ANKRD6: variants seen among roughly 807,000 people sequenced by gnomAD.
The protein encoded by ANKRD6 is ankyrin repeat domain 6.
In ANKRD6, 56 loss-of-function variants were observed where a neutral mutation model predicts 82.3. The ratio of observed to expected loss-of-function variants is 0.68; its 90% CI spans 0.55 to 0.85. The LOEUF (loss-of-function observed/expected upper bound fraction) is 0.85. Ranked by LOEUF, ANKRD6 falls within the 40% of genes least tolerant of loss-of-function variation. The pLI, the probability that ANKRD6 is intolerant of heterozygous loss-of-function variation, is 0.00. For missense variants in ANKRD6, 852 were observed against 907.6 expected, an observed-to-expected ratio of 0.94 and a Z score of 0.79; for synonymous variants, 347 against 352.1, an observed-to-expected ratio of 0.99 and a Z score of 0.16.
At chr6:89,474,864 A>T (rs533388212) in intron 1 of ANKRD6, among the ~76,000 whole-genome samples, 1 of 152,182 alleles carries the variant, frequency 6.6e-6, no homozygotes, top group Non-Finnish European at 1.5e-5. Context: ...TGACAAACCT[A>T]AAGTTTGCCT....
chr6:89,625,618 A>T (rs1805378573), intron 13 of ANKRD6, among the ~76,000 whole-genome samples: 1 of 152,166 alleles, frequency 6.6e-6, no homozygotes, highest in Non-Finnish European at 1.5e-5. Context: ...ATATTTCAGA[A>T]TGTTTAGAAT....
At chr6:89,565,481 T>C (rs1434640199) in intron 1 of ANKRD6, 1 of 152,238 alleles carries the variant, frequency 6.6e-6, no homozygotes, top group Non-Finnish European at 1.5e-5. Context: ...CATAATAAAA[T>C]ACCCTCTTTA....
intron 5 of ANKRD6, among the ~76,000 whole-genome samples, chr6:89,607,101 C>T (rs147189705): frequency 8.5e-4 from 128 of 149,846 alleles, no homozygotes; most frequent in Non-Finnish European, 1.2e-3. Flanking sequence ...ACCTGGTAGG[C>T]GGAAGTTGCA....
chr6:89,502,849 G>C (rs1779412264), intron 1 of ANKRD6, among the ~76,000 whole-genome samples: 1 of 152,156 alleles, frequency 6.6e-6, no homozygotes, highest in Admixed American at 6.5e-5. Flanking sequence ...GGTATGACAA[G>C]ATAAATTTTA....
chr6:89,498,474 T>C (rs1778893388), intron 1 of ANKRD6, among the ~76,000 whole-genome samples: 1 of 152,154 alleles, frequency 6.6e-6, no homozygotes, highest in Non-Finnish European at 1.5e-5. Context: ...ATTATAGTAC[T>C]TAATTCAAAC....
chr6:89,434,260 G>T (rs1770344282), intron 1 of ANKRD6, among the ~76,000 whole-genome samples: 1 of 152,180 alleles, frequency 6.6e-6, no homozygotes, highest in African/African-American at 2.4e-5. Flanking sequence ...TTCATGCAGT[G>T]AAGTGATGGG....
At chr6:89,435,424 C>T (rs1770512180) in intron 1 of ANKRD6, among the ~76,000 whole-genome samples, 1 of 152,164 alleles carries the variant, frequency 6.6e-6, no homozygotes, top group Admixed American at 6.6e-5. Context: ...ATATGAAAAA[C>T]CCTGAGGAAA....
At chr6:89,493,045 A>T (rs1025600802) in intron 1 of ANKRD6, among the ~76,000 whole-genome samples, 1 of 152,198 alleles carries the variant, frequency 6.6e-6, no homozygotes, top group Non-Finnish European at 1.5e-5. Context: ...AAAATGTCAA[A>T]TGATAGGTGT....
intron 1 of ANKRD6, among the ~76,000 whole-genome samples, chr6:89,445,264 C>CTTTTTTTT (rs1227274602): frequency 1.4e-4 from 9 of 64,082 alleles, no homozygotes; most frequent in Admixed American, 2.3e-4. Context: ...AGAGATCTTT[C>CTTTTTTTT]TTTTTTTTTT....
Position 89,618,044 on chromosome 6 carries a change from G to A in ANKRD6, c.792+13G>A. ...TAAAGCTCCCCAGGTAGGATTTACT[G>A]CCCTTTCCATGGTACTGATTATGCG... On this transcript the variant is annotated intron_variant, in intron 9 of 15. Coordinates refer to ENST00000339746, the MANE Select transcript of ANKRD6 (RefSeq NM_001242809.2). 1 of 1,613,802 alleles carries A rather than the reference G, an allele frequency of 6.2e-7. No homozygotes were observed. Among genetic ancestry groups the A allele is most frequent in the Non-Finnish European group, 8.5e-7 (1 of 1,179,664 alleles).
chr6:89,435,144 A>T (rs1278000148), intron 1 of ANKRD6, among the ~76,000 whole-genome samples: 2 of 152,242 alleles, frequency 1.3e-5, no homozygotes, highest in Non-Finnish European at 2.9e-5. Context: ...GACAAGGCAC[A>T]CTTCCAACTC....
chr6:89,463,612 G>A (rs1420141701), intron 1 of ANKRD6, among the ~76,000 whole-genome samples: 2 of 152,118 alleles, frequency 1.3e-5, no homozygotes, highest in African/African-American at 2.4e-5. Context: ...GCTATGGTGC[G>A]ATCTTGGCCC....
intron 1 of ANKRD6, among the ~76,000 whole-genome samples, chr6:89,506,804 G>A (rs1461123484): frequency 1.3e-5 from 2 of 152,184 alleles, no homozygotes; most frequent in Non-Finnish European, 2.9e-5. Context: ...TAGCTGCAAG[G>A]TGTGGAGCCT....
intron 1 of ANKRD6, among the ~76,000 whole-genome samples, chr6:89,436,398 T>C (rs1770641928): frequency 6.6e-6 from 1 of 152,184 alleles, no homozygotes; most frequent in African/African-American, 2.4e-5. Context: ...CTACCTCCAG[T>C]TAATAGGTTC....
At chr6:89,461,883 T>C (rs1343247313) in intron 1 of ANKRD6, among the ~76,000 whole-genome samples, 3 of 152,168 alleles carry the variant, frequency 2.0e-5, no homozygotes, top group Non-Finnish European at 4.4e-5. Flanking sequence ...ATAACTATTA[T>C]ATTTATGTTC....
At chr6:89,552,993 T>C (rs2128035688) in intron 1 of ANKRD6, among the ~76,000 whole-genome samples, 1 of 152,234 alleles carries the variant, frequency 6.6e-6, no homozygotes, top group South Asian at 2.1e-4. Context: ...TTCCAGACCA[T>C]GATGTCACCT....
At position 89,623,540 on chromosome 6, in the gene ANKRD6, C is replaced by T; in HGVS notation, c.1028C>T (p.Pro343Leu). The change falls in exon 11 of 16, where the codon CCC becomes CTC. Residue 343 changes from proline to leucine, a missense_variant. Transcript: ENST00000339746. ...GATGACAGGAGGAGAAAGTCAAGGC[C>T]CAAGGTCAGGAGACACAGAAAGCAG... The part of the protein sequence containing the change: ...AKDDRRRKSR[P>L]KVSAFSDPTP... The T allele has an allele frequency of 1.3e-6, 2 of 1,581,294 alleles. No individual in the cohort carries two copies. Among genetic ancestry groups the T allele is most frequent in the East Asian group, 2.3e-5 (1 of 43,222 alleles).
At chr6:89,579,336 A>G (rs1791912939) in intron 2 of ANKRD6, among the ~76,000 whole-genome samples, 1 of 152,200 alleles carries the variant, frequency 6.6e-6, no homozygotes, top group African/African-American at 2.4e-5. Context: ...TATAGTAGGC[A>G]CTGAGGGGAT....
intron 3 of ANKRD6, among the ~76,000 whole-genome samples, chr6:89,598,918 A>G (rs1470679033): frequency 2.0e-5 from 3 of 152,174 alleles, no homozygotes; most frequent in Non-Finnish European, 2.9e-5. Context: ...GCTCGTCCTA[A>G]GGTTAATGAC....
Sources: allele counts gnomAD v4.1 joint callset (sites outside exome capture counted in the v4.1 genomes callset), GRCh38; gene constraint gnomAD v4.1.1; transcripts MANE v1.5; gene names NCBI Gene and HGNC (gene_info 2026-07-23, HGNC 2026-07-21).